The following FAT3 variants were observed in gnomAD, a reference collection of about 807,000 sequenced individuals.
The protein encoded by FAT3 is FAT atypical cadherin 3, also known as protocadherin Fat 3.
In FAT3, 95 loss-of-function variants were observed where a neutral mutation model predicts 310.2. The ratio of observed to expected loss-of-function variants is 0.31; its 90% CI spans 0.26 to 0.36. The LOEUF (loss-of-function observed/expected upper bound fraction) is 0.36. Ranked by LOEUF, FAT3 falls within the 10% of genes least tolerant of loss-of-function variation. FAT3 has a pLI of 1.00. For missense variants in FAT3, 5,408 were observed against 5,715.6 expected (o/e 0.95, Z 1.74); for synonymous variants, 2,314 against 2,192.9 (o/e 1.06, Z -1.54).
intron 2 of FAT3, among the ~76,000 whole-genome samples, chr11:92,503,416 A>G (rs1401440507): frequency 6.6e-6 from 1 of 152,112 alleles, no homozygotes; most frequent in Non-Finnish European, 1.5e-5. Context: ...TATCATTAGT[A>G]TTGTAACAGG....
intron 4 of FAT3, among the ~76,000 whole-genome samples, chr11:92,710,179 G>A (rs1165831893): frequency 6.6e-6 from 1 of 152,182 alleles, no homozygotes; most frequent in Non-Finnish European, 1.5e-5. Flanking sequence ...CAAAGACAAA[G>A]CACTTTAAAC....
At chr11:92,268,121 C>T (rs1034270840) in intron 1 of FAT3, among the ~76,000 whole-genome samples, 2 of 151,806 alleles carry the variant, frequency 1.3e-5, no homozygotes, top group Admixed American at 1.3e-4. Context: ...CTGGTCCCAA[C>T]TCTGTGCTAA....
chr11:92,464,004 C>CT (rs1235024161), intron 2 of FAT3, among the ~76,000 whole-genome samples: 1 of 152,180 alleles, frequency 6.6e-6, no homozygotes, highest in Non-Finnish European at 1.5e-5. Flanking sequence ...TGGTTAAGGG[C>CT]TTTATAAAGC....
At chr11:92,596,378 T>C (rs1279711612) in intron 3 of FAT3, among the ~76,000 whole-genome samples, 1 of 152,144 alleles carries the variant, frequency 6.6e-6, no homozygotes, top group Non-Finnish European at 1.5e-5. Flanking sequence ...AATTTTATGT[T>C]CTGATGGTTG....
chr11:92,322,591 T>C (rs1487867119), intron 1 of FAT3, among the ~76,000 whole-genome samples: 2 of 152,246 alleles, frequency 1.3e-5, no homozygotes, highest in East Asian at 3.8e-4. Context: ...CCTCTCAAAC[T>C]CTGCTGCTGC....
At chr11:92,771,783 A>G (rs958818164) in intron 6 of FAT3, among the ~76,000 whole-genome samples, 11 of 151,936 alleles carry the variant, frequency 7.2e-5, no homozygotes, top group Admixed American at 6.6e-4. Flanking sequence ...AAAACATAAA[A>G]TTAGCCAAAA....
At chr11:92,275,047 A>AAAC (rs1297886031) in intron 1 of FAT3, among the ~76,000 whole-genome samples, 3 of 152,268 alleles carry the variant, frequency 2.0e-5, no homozygotes, top group African/African-American at 7.2e-5. Flanking sequence ...CGCAACATGC[A>AAAC]AACCATAGCA....
chr11:92,473,766 T>A (rs623674), intron 2 of FAT3, among the ~76,000 whole-genome samples: 135,827 of 152,256 alleles, frequency 0.89, 60,627 homozygotes, highest in Admixed American at 0.9. Context: ...AGACCTTGTG[T>A]ACACAGGGAC....
chr11:92,693,989 A>G (rs1459343688), intron 3 of FAT3, among the ~76,000 whole-genome samples: 1 of 152,170 alleles, frequency 6.6e-6, no homozygotes, highest in Non-Finnish European at 1.5e-5. Flanking sequence ...CCAAACATAA[A>G]AGACTTATTA....
intron 1 of FAT3, among the ~76,000 whole-genome samples, chr11:92,293,609 A>G (rs1946770564): frequency 6.7e-6 from 1 of 148,232 alleles, no homozygotes; most frequent in South Asian, 2.1e-4. Flanking sequence ...TATTTAATAT[A>G]TTAGTGATCA....
intron 2 of FAT3, among the ~76,000 whole-genome samples, chr11:92,502,399 G>C (rs1427263228): frequency 6.6e-6 from 1 of 152,042 alleles, no homozygotes; most frequent in Non-Finnish European, 1.5e-5. Flanking sequence ...CAATGCATCA[G>C]GAGTATTGCA....
chr11:92,256,480 G>A (rs1248217381), intron 1 of FAT3, among the ~76,000 whole-genome samples: 1 of 151,784 alleles, frequency 6.6e-6, no homozygotes, highest in South Asian at 2.1e-4. Context: ...GATAAAATTC[G>A]AGTTATTAAT....
At chr11:92,476,537 A>G (rs764675750) in intron 2 of FAT3, among the ~76,000 whole-genome samples, 43 of 152,198 alleles carry the variant, frequency 2.8e-4, no homozygotes, top group Non-Finnish European at 5.1e-4. Context: ...AGGCAATAAC[A>G]TGAGATGCTG....
Position 92,806,356 on chromosome 11 carries a change from G to A in FAT3, c.9094-6G>A, listed in dbSNP as rs1248722130. ...GATTTTATTACCTTTCTTCACCTTTGTCCAGGTTGCATATACAGCATTACT... is the reference window on the plus strand; with the variant it reads ...GATTTTATTACCTTTCTTCACCTTTATCCAGGTTGCATATACAGCATTACT... On this transcript the variant is annotated splice_polypyrimidine_tract_variant and splice_region_variant and intron_variant, in intron 11 of 27. Coordinates refer to ENST00000525166, the MANE Select transcript of FAT3 (RefSeq NM_001367949.2). 6.3e-6 allele frequency: 10 copies of A among 1,596,030 alleles called. No individual in the cohort carries two copies. The highest frequency in any genetic ancestry group is 8.5e-6 in the Non-Finnish European group (10 of 1,170,460).
chr11:92,504,101 G>T (rs191785913), intron 2 of FAT3, among the ~76,000 whole-genome samples: 1 of 152,248 alleles, frequency 6.6e-6, no homozygotes, highest in Admixed American at 6.5e-5. Flanking sequence ...AAGCTAACTA[G>T]TTGTAGTTTT....
intron 3 of FAT3, among the ~76,000 whole-genome samples, chr11:92,692,246 G>T (rs1943817574): frequency 6.6e-6 from 1 of 152,120 alleles, no homozygotes; most frequent in African/African-American, 2.4e-5. Flanking sequence ...GAACCATTAT[G>T]GCCACTCTGT....
At position 92,844,306 on chromosome 11, in the gene FAT3, A is replaced by G. The variant is rs1166791547; in HGVS notation, c.10939A>G (p.Asn3647Asp). The G allele has an allele frequency of 2.5e-6, 4 of 1,613,974 alleles. No individual in the cohort carries two copies. Among genetic ancestry groups the G allele is most frequent in the Non-Finnish European group, 3.4e-6 (4 of 1,179,910 alleles). The change falls in exon 19 of 28, where the codon AAC (asparagine) becomes GAC (aspartate). Residue 3647 changes from asparagine to aspartate, a missense_variant. Coordinates refer to ENST00000525166, the MANE Select transcript of FAT3 (RefSeq NM_001367949.2). ...GCAGTTGGTGCATGAGATGCTGCAGAACACTGTCACCATCCGCTTTGAAAA... is the reference window on the plus strand; with the variant it reads ...GCAGTTGGTGCATGAGATGCTGCAGGACACTGTCACCATCCGCTTTGAAAA... ...VEQLVHEMLQ[N>D]TVTIRFENVS...
chr11:92,402,182 C>G (rs1162919508), intron 2 of FAT3, among the ~76,000 whole-genome samples: 1 of 151,392 alleles, frequency 6.6e-6, no homozygotes, highest in Admixed American at 6.6e-5. Context: ...AAATTAAAAC[C>G]CACAATAATG....
intron 1 of FAT3, among the ~76,000 whole-genome samples, chr11:92,315,667 A>G (rs60775000): frequency 0.15 from 23,016 of 150,862 alleles, 1,880 homozygotes; most frequent in African/African-American, 0.2. Flanking sequence ...GGGACTACAG[A>G]CATGCATCAC....
Sources: allele counts gnomAD v4.1 joint callset (sites outside exome capture counted in the v4.1 genomes callset), GRCh38; gene constraint gnomAD v4.1.1; transcripts MANE v1.5; gene names NCBI Gene and HGNC (gene_info 2026-07-23, HGNC 2026-07-21).